The following CNTNAP2 variants were observed in gnomAD, a reference collection of about 807,000 sequenced individuals.
CNTNAP2 encodes the protein contactin-associated protein-like 2.
A neutral mutation model predicts 155.2 loss-of-function variants in CNTNAP2; 98 were observed. The ratio of observed to expected loss-of-function variants is 0.63; its 90% CI spans 0.54 to 0.75. The LOEUF (loss-of-function observed/expected upper bound fraction) is 0.75. Ranked by LOEUF, CNTNAP2 falls within the 30% of genes least tolerant of loss-of-function variation. The pLI is 0.00. For missense variants in CNTNAP2, 1,727 were observed against 1,688.1 expected (o/e 1.02, Z -0.40); for synonymous variants, 651 against 631.2 (o/e 1.03, Z -0.47).
At chr7:146,388,923 C>T (rs908961689) in intron 1 of CNTNAP2, among the ~76,000 whole-genome samples, 1 of 151,998 alleles carries the variant, frequency 6.6e-6, no homozygotes, top group Middle Eastern at 3.2e-3. Flanking sequence ...AATCTGTTGT[C>T]AGAAGAAGAT....
intron 10 of CNTNAP2, among the ~76,000 whole-genome samples, chr7:147,404,765 G>C (rs1796976980): frequency 1.3e-5 from 2 of 152,218 alleles, no homozygotes; most frequent in South Asian, 4.1e-4. Flanking sequence ...CATCTTTCTA[G>C]CACAAAAACA....
chr7:146,480,082 G>C (rs1796937156), intron 1 of CNTNAP2, among the ~76,000 whole-genome samples: 1 of 152,106 alleles, frequency 6.6e-6, no homozygotes, highest in Non-Finnish European at 1.5e-5. Context: ...ACTGAGCCTG[G>C]TTTTTCCACC....
chr7:146,629,408 TA>T (rs1284782652), intron 1 of CNTNAP2, among the ~76,000 whole-genome samples: 2 of 152,188 alleles, frequency 1.3e-5, no homozygotes, highest in African/African-American at 4.8e-5. Context: ...TAAAATCCAT[TA>T]AAAATGCTAT....
chr7:147,445,603 A>T (rs903807043), intron 10 of CNTNAP2, among the ~76,000 whole-genome samples: 1 of 152,212 alleles, frequency 6.6e-6, no homozygotes, highest in Admixed American at 6.5e-5. Context: ...GTTAGTTGTC[A>T]TTCTTAGTTT....
chr7:146,717,279 G>C (rs1801205484), intron 1 of CNTNAP2, among the ~76,000 whole-genome samples: 1 of 151,466 alleles, frequency 6.6e-6, no homozygotes, highest in Non-Finnish European at 1.5e-5. Flanking sequence ...GAGGCGGGTG[G>C]ATCACCTGAG....
At chr7:147,293,600 T>G (rs572954671) in intron 8 of CNTNAP2, among the ~76,000 whole-genome samples, 1 of 152,254 alleles carries the variant, frequency 6.6e-6, no homozygotes, top group African/African-American at 2.4e-5. Flanking sequence ...CACTGTAATT[T>G]TACTTGAAGC....
intron 9 of CNTNAP2, among the ~76,000 whole-genome samples, chr7:147,311,093 G>A (rs1032117411): frequency 6.6e-6 from 1 of 152,084 alleles, no homozygotes; most frequent in Non-Finnish European, 1.5e-5. Flanking sequence ...TCTCAAGGGC[G>A]GGGAGTTCTG....
chr7:147,731,678 A>G (rs1796741727), intron 13 of CNTNAP2, among the ~76,000 whole-genome samples: 1 of 152,102 alleles, frequency 6.6e-6, no homozygotes, highest in African/African-American at 2.4e-5. Flanking sequence ...AAGAAATACA[A>G]TTCATAGGGC....
At chr7:147,392,373 C>T (rs1796734635) in intron 9 of CNTNAP2, among the ~76,000 whole-genome samples, 2 of 147,854 alleles carry the variant, frequency 1.4e-5, no homozygotes, top group African/African-American at 5.0e-5. Flanking sequence ...ATTTTTATTT[C>T]CATAGGTTTT....
chr7:146,762,272 G>A, intron 1 of CNTNAP2, among the ~76,000 whole-genome samples: 1 of 152,030 alleles, frequency 6.6e-6, no homozygotes, highest in East Asian at 1.9e-4. Context: ...CTTGTTGTGG[G>A]CTTCCATTCT....
intron 2 of CNTNAP2, among the ~76,000 whole-genome samples, chr7:146,794,046 A>G (rs544542601): frequency 6.6e-6 from 1 of 152,270 alleles, no homozygotes; most frequent in South Asian, 2.1e-4. Flanking sequence ...GTAAAAATCT[A>G]GTATTCATTG....
At chr7:147,111,705 A>G (rs1436968867) in intron 5 of CNTNAP2, among the ~76,000 whole-genome samples, 4 of 151,970 alleles carry the variant, frequency 2.6e-5, no homozygotes, top group Admixed American at 2.6e-4. Flanking sequence ...TCTGAGTTCT[A>G]TACTGTGTCC....
chr7:146,207,637 G>T (rs1264674576), intron 1 of CNTNAP2, among the ~76,000 whole-genome samples: 2,394 of 122,150 alleles, frequency 0.02, 26 homozygotes, highest in East Asian at 0.041. Flanking sequence ...ACAGGACTGT[G>T]TTTTTTTTTT....
chr7:146,947,753 A>G lies in CNTNAP2; in HGVS notation c.403-96154A>G, dbSNP rs182164889. The stretch of plus-strand genomic sequence containing the variant: ...AAACCCTGTTGCTACAAAAAATAAA[A>G]TAAAATTAGCTGGACATGGTGGGGT... On this transcript the variant is annotated intron_variant, in intron 3 of 23. Coordinates refer to ENST00000361727, the MANE Select transcript of CNTNAP2 (RefSeq NM_014141.6). Among the ~76,000 whole-genome samples, 229 of 151,460 alleles carry G rather than the reference A, an allele frequency of 1.5e-3. 1 individual carries two copies. The highest frequency in any genetic ancestry group is 5.3e-3 in the African/African-American group (220 of 41,262).
At chr7:147,582,319 T>C (rs1393701401) in intron 12 of CNTNAP2, among the ~76,000 whole-genome samples, 2 of 152,158 alleles carry the variant, frequency 1.3e-5, no homozygotes, top group Non-Finnish European at 2.9e-5. Context: ...TTTCAACAAA[T>C]CTAAATCTGA....
intron 3 of CNTNAP2, among the ~76,000 whole-genome samples, chr7:146,931,683 C>T (rs1796760993): frequency 1.3e-5 from 2 of 149,482 alleles, no homozygotes; most frequent in Non-Finnish European, 3.0e-5. Context: ...AATTGATAGA[C>T]CGCTAGCAAG....
At chr7:146,972,915 G>T (rs1797831429) in intron 3 of CNTNAP2, among the ~76,000 whole-genome samples, 1 of 152,176 alleles carries the variant, frequency 6.6e-6, no homozygotes, top group African/African-American at 2.4e-5. Flanking sequence ...AACACACAGT[G>T]TTTGATTCTG....
intron 21 of CNTNAP2, among the ~76,000 whole-genome samples, chr7:148,370,846 G>A (rs1421589736): frequency 3.9e-5 from 6 of 152,158 alleles, no homozygotes. Flanking sequence ...TCTCCCTGGT[G>A]CCGGCCTTTC....
chr7:146,401,833 A>G (rs1795719017), intron 1 of CNTNAP2, among the ~76,000 whole-genome samples: 2 of 152,284 alleles, frequency 1.3e-5, no homozygotes, highest in Non-Finnish European at 2.9e-5. Context: ...CAAATCTCCT[A>G]CAACAAAACT....
Sources: allele counts gnomAD v4.1 joint callset (sites outside exome capture counted in the v4.1 genomes callset), GRCh38; gene constraint gnomAD v4.1.1; transcripts MANE v1.5; gene names NCBI Gene and HGNC (gene_info 2026-07-23, HGNC 2026-07-21).